Variants in MMP8 observed in about 807,000 individuals in gnomAD.
MMP8 encodes the protein matrix metallopeptidase 8, also known as neutrophil collagenase.
A neutral mutation model predicts 51.2 loss-of-function variants in MMP8; 67 were observed. The ratio of observed to expected loss-of-function variants is 1.31; its 90% CI spans 1.08 to 1.60. The LOEUF is 1.60. Ranked by LOEUF, MMP8 falls within the 40% of genes most tolerant of loss-of-function variation. The pLI, the probability that MMP8 is intolerant of heterozygous loss-of-function variation, is 0.00. For missense variants in MMP8, 654 were observed against 558.1 expected, an observed-to-expected ratio of 1.17 and a Z score of -1.73; for synonymous variants, 225 against 191.0, an observed-to-expected ratio of 1.18 and a Z score of -1.47.
At chr11:102,719,540 G>C (rs1271183121) in intron 4 of MMP8, among the ~76,000 whole-genome samples, 1 of 152,056 alleles carries the variant, frequency 6.6e-6, no homozygotes, top group Non-Finnish European at 1.5e-5. Context: ...CTGGTACTTG[G>C]TCCCTCAACT....
rs566413500 is a variant in MMP8 at position 102,713,317 on chromosome 11, G to A, written c.*31C>T. On this transcript the variant is annotated 3_prime_UTR_variant, in exon 10 of 10. Coordinates refer to ENST00000236826, the MANE Select transcript of MMP8 (RefSeq NM_002424.3). ...TTGCTGAACTTCCCTTCAACATTCTGAAAGTGGATACAGCCACATTTGATT... is the reference window on the plus strand; with the variant it reads ...TTGCTGAACTTCCCTTCAACATTCTAAAAGTGGATACAGCCACATTTGATT... 547 of 1,474,442 alleles carry A rather than the reference G, an allele frequency of 3.7e-4. 11 individuals are homozygous for A. The South Asian group carries it at 5.9e-3, about 16-fold the overall frequency. 91.3% of individuals were successfully genotyped at this position (1,474,442 alleles called of 1,614,324 possible).
chr11:102,717,338 G>GT (rs1420713571), intron 5 of MMP8, among the ~76,000 whole-genome samples: 3 of 152,156 alleles, frequency 2.0e-5, no homozygotes, highest in African/African-American at 7.2e-5. Context: ...TCCTTGAAAT[G>GT]TATCAGTGAT....
rs1345240949 is a variant in MMP8, at chr11:102,711,839, T to C, written c.*1509A>G. The C allele has an allele frequency of 6.6e-6, 1 of 152,156 alleles. No individual in the cohort carries two copies. The highest frequency in any genetic ancestry group is 2.4e-5 in the African/African-American group (1 of 41,450). The allele number at this position is 152,156 out of a possible 1,614,324, so 9.4% of individuals were successfully genotyped here. On this transcript the variant is annotated 3_prime_UTR_variant, in exon 10 of 10. Transcript: ENST00000236826. ...TTTAATTTGAACTTATTTAATAGAT[T>C]ATTTTAATTTTTGAACAAGCATAAA...
At position 102,715,313 on chromosome 11, in the gene MMP8, G is replaced by A. The variant is rs1486803135; in HGVS notation, c.1027C>T (p.Leu343=). 5.6e-6 allele frequency: 9 copies of A among 1,610,096 alleles called. No individual in the cohort carries two copies. In the African/African-American group the frequency reaches 1.2e-4, roughly 22 times the overall value. Residue 343 remains leucine (L), a synonymous_variant, in exon 7 of 10, where the codon CTA becomes TTA. Coordinates refer to ENST00000236826, the MANE Select transcript of MMP8 (RefSeq NM_002424.3). ...YEDFDRDLIF[L]FKGNQYWALS... is the part of the protein sequence containing the mutation. Reference sequence around the variant, plus strand: ...AACTTTAGGAAGTTACCTTTAAATAGGAAAATGAGGTCTCTGTCAAAATCT... The same window carrying A: ...AACTTTAGGAAGTTACCTTTAAATAAGAAAATGAGGTCTCTGTCAAAATCT...
At chr11:102,718,275 A>G (rs1861362037) in intron 5 of MMP8, 139 bp downstream of exon 5, 6 of 918,560 alleles carry the variant, frequency 6.5e-6, no homozygotes, top group Non-Finnish European at 9.7e-6. Context: ...TTCTTTGTTA[A>G]TGCTTTATTA....
intron 5 of MMP8, among the ~76,000 whole-genome samples, chr11:102,718,121 A>T (rs1160972424): frequency 6.6e-6 from 1 of 151,226 alleles, no homozygotes; most frequent in Non-Finnish European, 1.5e-5. Flanking sequence ...CCCAAAAAAA[A>T]TTTAAAATTG....
intron 5 of MMP8, among the ~76,000 whole-genome samples, chr11:102,718,111 C>A (rs565422940): frequency 0.022 from 3,361 of 150,812 alleles, 43 homozygotes; most frequent in Non-Finnish European, 0.037. Flanking sequence ...CATCCCCCCC[C>A]CCAAAAAAAA....
intron 2 of MMP8, 26 bp downstream of exon 2, chr11:102,722,403 G>A (rs548969103): frequency 1.1e-5 from 17 of 1,611,112 alleles, no homozygotes; most frequent in Non-Finnish European, 1.4e-5. Flanking sequence ...ATAAATGAGT[G>A]TATCCTGAAA....
In MMP8 at chr11:102,718,461, T is replaced by C. The variant is rs1385726726; in HGVS notation, c.737A>G (p.Asn246Ser). Residue 246 changes from asparagine (N) to serine (S), a missense_variant, in exon 5 of 10, where the codon AAC becomes AGC. Transcript: ENST00000236826. Reference sequence around the variant, plus strand: ...GATGTCATCTTGAGGGAGTGAGTAGTTGCTGGTTTCCCTGAAAGCATAGTT... The same window carrying C: ...GATGTCATCTTGAGGGAGTGAGTAGCTGCTGGTTTCCCTGAAAGCATAGTT... ...YPNYAFRETS[N>S]YSLPQDDIDG... The C allele has an allele frequency of 2.5e-6, 4 of 1,613,502 alleles. No homozygotes were observed. The highest frequency in any genetic ancestry group is 1.3e-5 in the African/African-American group (1 of 74,882).
chr11:102,723,923 T>C (rs773286642), intron 1 of MMP8: 5 of 335,234 alleles, frequency 1.5e-5, no homozygotes, highest in South Asian at 9.4e-5. Context: ...ACATTATTTA[T>C]CTGATTTAAG....
In MMP8 at chr11:102,713,753, C is replaced by A. The variant is rs141116762; in HGVS notation, c.1294+1G>T. On this transcript the variant is annotated splice_donor_variant, in intron 9 of 9. Transcript: ENST00000236826. LOFTEE classifies it high-confidence loss of function. ...TTATTAGGTTTTTTTTTCCTACTTA[C>A]GTTCTTGCTGGAAAACTGCATCAAC... 30 of 1,592,908 alleles carry A rather than the reference C, an allele frequency of 1.9e-5. No homozygotes were observed. Among genetic ancestry groups the A allele is most frequent in the Non-Finnish European group, 2.5e-5 (29 of 1,169,252 alleles).
intron 2 of MMP8, among the ~76,000 whole-genome samples, 167 bp from the exon 3 acceptor site, chr11:102,721,929 C>T (rs1373055756): frequency 6.6e-6 from 1 of 152,080 alleles, no homozygotes; most frequent in Non-Finnish European, 1.5e-5. Flanking sequence ...GGGTTCTGAA[C>T]AAGTTAATAC....
intron 4 of MMP8, among the ~76,000 whole-genome samples, chr11:102,720,945 TTAAAA>T (rs1861450161): frequency 6.6e-6 from 1 of 152,220 alleles, no homozygotes; most frequent in Non-Finnish European, 1.5e-5. Context: ...TTTGGGAATA[TTAAAA>T]TAAAGATATT....
At chr11:102,724,659 T>A in intron 1 of MMP8, 95 bp downstream of exon 1, 1 of 1,122,562 alleles carries the variant, frequency 8.9e-7, no homozygotes, top group Admixed American at 2.3e-5. Flanking sequence ...CCCAAATAAT[T>A]TCTTTCAGGC....
intron 1 of MMP8, chr11:102,723,488 A>G (rs1200923178): frequency 2.2e-6 from 1 of 455,680 alleles, no homozygotes; most frequent in Admixed American, 2.4e-5. Context: ...ACAATTCTGG[A>G]GGCTGGGAAG....
chr11:102,722,728 G>C, intron 1 of MMP8, 55 bp from the exon 2 acceptor site: 1 of 1,594,394 alleles, frequency 6.3e-7, no homozygotes. Flanking sequence ...CCAGTTCTCT[G>C]GTCATTTTGC....
At chr11:102,719,036 C>A (rs1362406483) in intron 4 of MMP8, among the ~76,000 whole-genome samples, 3 of 152,200 alleles carry the variant, frequency 2.0e-5, no homozygotes, top group African/African-American at 7.2e-5. Context: ...GGAGGGCTGG[C>A]TCATGTTGGC....
Position 102,716,423 on chromosome 11 carries a change from G to GAGAA in MMP8, c.785-5_785-4insTTCT. On this transcript the variant is annotated splice_region_variant and splice_polypyrimidine_tract_variant and intron_variant, in intron 5 of 9. Transcript: ENST00000236826. ...TGGATAGGGTTGCTTGAAAGTCCTG[G>GAGAA]AAAAAAAAAAAAAAAAAAAAAAAAG... 2.5e-6 allele frequency: 1 copy of GAGAA among 394,586 alleles called. No homozygotes were observed. The highest frequency in any genetic ancestry group is 2.9e-5 in the South Asian group (1 of 34,502). 24.4% of individuals were successfully genotyped at this position (394,586 alleles called of 1,614,324 possible). A position where few individuals can be genotyped will look rare whatever the true frequency, so the allele number is the denominator to read the frequency against.
Position 102,712,404 on chromosome 11 carries a change from C to T in MMP8, c.*944G>A, listed in dbSNP as rs1467888039. The T allele has an allele frequency of 6.6e-6, 1 of 151,622 alleles. No individual in the cohort carries two copies. Among genetic ancestry groups the T allele is most frequent in the Non-Finnish European group, 1.5e-5 (1 of 67,896 alleles). 9.4% of individuals were successfully genotyped at this position (151,622 alleles called of 1,614,324 possible). On this transcript the variant is annotated 3_prime_UTR_variant, in exon 10 of 10. Transcript: ENST00000236826. ...TGTAGATGTACTGTGTCTAGTACCT[C>T]ATGTCTAGGGTTGCTGTAACAAAGT... is the stretch of plus-strand genomic sequence containing the variant.
Sources: gnomAD v4.1 joint callset for allele counts (sites outside exome capture counted in the v4.1 genomes callset) on GRCh38, gnomAD v4.1.1 for gene constraint, MANE v1.5 for transcripts, NCBI Gene and HGNC (gene_info 2026-07-23, HGNC 2026-07-21) for gene names.